The following TRDN variants were observed in gnomAD, a reference collection of about 807,000 sequenced individuals.
TRDN encodes the protein triadin.
A neutral mutation model predicts 149.7 loss-of-function variants in TRDN; 161 were observed. The ratio of observed to expected loss-of-function variants is 1.08; its 90% CI spans 0.95 to 1.23. TRDN has a LOEUF of 1.23. TRDN is among the 50% of genes most tolerant of loss of function. The probability of loss-of-function intolerance (pLI) is 0.00; values close to 1 mark genes in which losing one functional copy is unlikely to be tolerated. For synonymous variants in TRDN, 294 were observed against 250.5 expected (o/e 1.17, Z -1.64); for missense variants, 896 against 823.5 (o/e 1.09, Z -1.08).
intron 12 of TRDN, among the ~76,000 whole-genome samples, chr6:123,396,190 T>A (rs1772723794): frequency 6.6e-6 from 1 of 152,100 alleles, no homozygotes; most frequent in African/African-American, 2.4e-5. Context: ...GACAGACAAA[T>A]TTTCATTATA....
At chr6:123,380,223 A>C (rs1189880820) in intron 16 of TRDN, among the ~76,000 whole-genome samples, 2 of 152,200 alleles carry the variant, frequency 1.3e-5, no homozygotes, top group Non-Finnish European at 2.9e-5. Flanking sequence ...AGGCATGTTT[A>C]TTTATTAAGT....
At chr6:123,276,611 A>G (rs1020709818) in intron 26 of TRDN, among the ~76,000 whole-genome samples, 3 of 152,092 alleles carry the variant, frequency 2.0e-5, no homozygotes, top group Non-Finnish European at 4.4e-5. Flanking sequence ...TGGTTGGACA[A>G]ACTTTTGCTA....
chr6:123,280,652 C>CAT (rs549538597), intron 24 of TRDN, among the ~76,000 whole-genome samples: 1 of 135,538 alleles, frequency 7.4e-6, no homozygotes, highest in Non-Finnish European at 1.6e-5. Context: ...TCTTTTCTTT[C>CAT]TTTTTTTTTT....
At chr6:123,580,201 T>C (rs1583278212) in intron 1 of TRDN, among the ~76,000 whole-genome samples, 1 of 152,150 alleles carries the variant, frequency 6.6e-6, no homozygotes, top group Middle Eastern at 3.2e-3. Context: ...TCAGAGCTCG[T>C]TATTGGTCTT....
intron 12 of TRDN, among the ~76,000 whole-genome samples, chr6:123,402,512 A>G (rs1773020917): frequency 6.6e-6 from 1 of 152,230 alleles, no homozygotes; most frequent in Non-Finnish European, 1.5e-5. Flanking sequence ...TAATAAACCA[A>G]ATGTTAAAGT....
intron 19 of TRDN, among the ~76,000 whole-genome samples, chr6:123,370,184 T>G (rs1475807793): frequency 6.6e-6 from 1 of 152,284 alleles, no homozygotes; most frequent in South Asian, 2.1e-4. Flanking sequence ...ACTTCTTACT[T>G]TTCCTACTAG....
At chr6:123,518,843 G>T (rs1471979759) in intron 5 of TRDN, among the ~76,000 whole-genome samples, 1 of 152,126 alleles carries the variant, frequency 6.6e-6, no homozygotes, top group African/African-American at 2.4e-5. Flanking sequence ...AGCCACTGAA[G>T]CTCCTTGGAC....
At chr6:123,254,741 A>AT (rs1161712322) in intron 37 of TRDN, among the ~76,000 whole-genome samples, 1 of 152,060 alleles carries the variant, frequency 6.6e-6, no homozygotes, top group Admixed American at 6.6e-5. Context: ...TTAGTGATAG[A>AT]TAAAAATAAA....
intron 38 of TRDN, among the ~76,000 whole-genome samples, chr6:123,247,224 T>C (rs1776214509): frequency 6.6e-6 from 1 of 152,188 alleles, no homozygotes; most frequent in Non-Finnish European, 1.5e-5. Context: ...ACCACTCCTA[T>C]TTAACATAGT....
intron 1 of TRDN, among the ~76,000 whole-genome samples, chr6:123,624,041 C>T (rs1785527927): frequency 6.6e-6 from 1 of 152,074 alleles, no homozygotes; most frequent in Non-Finnish European, 1.5e-5. Flanking sequence ...ATTATCTCAT[C>T]ATTTCTTGAG....
In TRDN at chr6:123,216,884, C is replaced by A. The variant is rs1261934381; in HGVS notation, c.*1717G>T. 1.3e-5 allele frequency: 2 copies of A among 151,902 alleles called. No individual in the cohort carries two copies. The highest frequency in any genetic ancestry group is 1.9e-4 in the East Asian group (1 of 5,152). The allele number at this position is 151,902 out of a possible 1,614,324, so 9.4% of individuals were successfully genotyped here. On this transcript the variant is annotated 3_prime_UTR_variant, in exon 41 of 41. Coordinates refer to ENST00000334268, the MANE Select transcript of TRDN (RefSeq NM_006073.4). ...TTGAATGAAAGAATTAATGGACAAA[C>A]CATTCTGTTCTATGAAATCTAAAAC...
chr6:123,299,717 T>C (rs981084393), intron 24 of TRDN, among the ~76,000 whole-genome samples: 2 of 151,926 alleles, frequency 1.3e-5, no homozygotes, highest in African/African-American at 4.8e-5. Context: ...ATTATATTAA[T>C]CCACTAAATG....
intron 1 of TRDN, among the ~76,000 whole-genome samples, chr6:123,599,705 T>A (rs1291923391): frequency 6.6e-6 from 1 of 152,056 alleles, no homozygotes; most frequent in African/African-American, 2.4e-5. Context: ...TTGGTTATGG[T>A]CTCAGTATCA....
At chr6:123,612,450 C>T (rs1409652810) in intron 1 of TRDN, among the ~76,000 whole-genome samples, 1 of 144,816 alleles carries the variant, frequency 6.9e-6, no homozygotes, top group African/African-American at 2.5e-5. Flanking sequence ...AACAGCAATC[C>T]AAAAAAAAAA....
chr6:123,548,173 G>A (rs1215429481), intron 3 of TRDN, among the ~76,000 whole-genome samples: 1 of 151,868 alleles, frequency 6.6e-6, no homozygotes, highest in East Asian at 1.9e-4. Context: ...TGGTTTTATA[G>A]CAGAGCATAA....
At chr6:123,266,799 AAT>A (rs549073060) in intron 32 of TRDN, among the ~76,000 whole-genome samples, 1 of 132,798 alleles carries the variant, frequency 7.5e-6, no homozygotes. Context: ...TATATATTAT[AAT>A]ATATATATAT....
intron 1 of TRDN, 72 bp downstream of exon 1, chr6:123,636,682 G>T (rs970502584): frequency 9.0e-6 from 14 of 1,548,728 alleles, no homozygotes; most frequent in Non-Finnish European, 1.2e-5. Context: ...TGGACACATC[G>T]ACAGTTAATG....
At chr6:123,549,945 G>C (rs533710904) in intron 2 of TRDN, among the ~76,000 whole-genome samples, 2 of 152,154 alleles carry the variant, frequency 1.3e-5, no homozygotes, top group African/African-American at 2.4e-5. Flanking sequence ...TGAGCTGGGG[G>C]AGGACTGGAG....
intron 9 of TRDN, among the ~76,000 whole-genome samples, chr6:123,480,881 A>C (rs1449915983): frequency 6.6e-6 from 1 of 152,080 alleles, no homozygotes; most frequent in African/African-American, 2.4e-5. Flanking sequence ...GATTCTACTA[A>C]AAAGGTTATT....
Sources: allele counts gnomAD v4.1 joint callset (sites outside exome capture counted in the v4.1 genomes callset), GRCh38; gene constraint gnomAD v4.1.1; transcripts MANE v1.5; gene names NCBI Gene and HGNC (gene_info 2026-07-23, HGNC 2026-07-21).